Variants in DMD observed in about 807,000 individuals in gnomAD.
DMD encodes the protein mutant dystrophin.
DMD carries 63 observed loss-of-function variants against 330.1 expected under a neutral mutation model. That is an observed-to-expected ratio of 0.19 (90% CI 0.16 to 0.24). The LOEUF (loss-of-function observed/expected upper bound fraction) is 0.24, where lower values mean the gene tolerates loss of function less well. Ranked by LOEUF, DMD falls within the 10% of genes least tolerant of loss-of-function variation. The pLI is 1.00. For synonymous variants in DMD, 1,223 were observed against 959.8 expected (o/e 1.27, Z -5.07); for missense variants, 3,344 against 2,684.1 (o/e 1.25, Z -5.43).
Position 32,667,978 on chromosome X carries a change from T to A in DMD, c.961-22826A>T, listed in dbSNP as rs747332582. 1.5e-4 allele frequency among the ~76,000 whole-genome samples: 15 copies of A among 101,509 alleles called. No individual in the cohort carries two copies. In the East Asian group the frequency reaches 3.6e-3, roughly 24 times the overall value. The allele number at this position is 101,509 out of a possible 115,157, so 88.1% of individuals were successfully genotyped here. On this transcript the variant is annotated intron_variant, in intron 9 of 78. Coordinates refer to ENST00000357033, the MANE Select transcript of DMD (RefSeq NM_004006.3). ...AACATAGCAAAACCTTGTCACTATT[T>A]AAAAAAAAAAAAATACAAAAATTAG...
intron 4 of DMD, among the ~76,000 whole-genome samples, chrX:32,835,412 G>T (rs990819266): frequency 6.2e-5 from 7 of 112,706 alleles, no homozygotes; most frequent in Non-Finnish European, 1.1e-4. Context: ...TCAGGATTTT[G>T]TATTTTGTTC....
intron 33 of DMD, among the ~76,000 whole-genome samples, chrX:32,385,638 T>A (rs1162340781): frequency 3.4e-5 from 1 of 29,676 alleles, no homozygotes; most frequent in Non-Finnish European, 5.7e-5. Context: ...ACAGAATATT[T>A]GAGTTGAGCG....
intron 60 of DMD, among the ~76,000 whole-genome samples, chrX:31,433,022 C>G (rs371458923): frequency 9.4e-4 from 105 of 111,569 alleles, no homozygotes; most frequent in Admixed American, 2.7e-3. Flanking sequence ...GTATAGTACT[C>G]GATAGGTAGT....
At chrX:32,359,854 A>G (rs181448675) in intron 37 of DMD, among the ~76,000 whole-genome samples, 1 of 110,856 alleles carries the variant, frequency 9.0e-6, no homozygotes, top group East Asian at 2.8e-4. Context: ...CAATTTATTA[A>G]TTTAATTTTA....
chrX:31,631,685 C>T (rs912297664), intron 54 of DMD, among the ~76,000 whole-genome samples: 2 of 111,763 alleles, frequency 1.8e-5, no homozygotes, highest in Non-Finnish European at 3.8e-5. Context: ...TTCCTTCATG[C>T]TAATCACTTT....
At chrX:31,441,605 CTTTA>C (rs899469923) in intron 60 of DMD, among the ~76,000 whole-genome samples, 2 of 101,382 alleles carry the variant, frequency 2.0e-5, no homozygotes, top group African/African-American at 8.3e-5. Flanking sequence ...TGACTAAATT[CTTTA>C]TTTTCATAGA....
At chrX:33,250,492 A>G (rs1569559179) in intron 1 of DMD, among the ~76,000 whole-genome samples, 1 of 110,755 alleles carries the variant, frequency 9.0e-6, no homozygotes, top group East Asian at 2.8e-4. Flanking sequence ...ACAGACCAGT[A>G]CCGGTCCTTG....
intron 2 of DMD, among the ~76,000 whole-genome samples, chrX:32,906,114 T>C (rs1056503634): frequency 8.9e-6 from 1 of 112,171 alleles, no homozygotes; most frequent in Non-Finnish European, 1.9e-5. Flanking sequence ...TGAATTGTAA[T>C]CCCTAATGTT....
intron 47 of DMD, among the ~76,000 whole-genome samples, chrX:31,902,563 G>A (rs2094435882): frequency 9.0e-6 from 1 of 111,592 alleles, no homozygotes. Context: ...CGTAGGCAAA[G>A]CGATATAAGA....
intron 16 of DMD, among the ~76,000 whole-genome samples, chrX:32,553,395 A>T (rs918161431): frequency 2.7e-5 from 3 of 110,671 alleles, no homozygotes; most frequent in Non-Finnish European, 5.7e-5. Flanking sequence ...GACAACAGAC[A>T]CGGTGGTCTA....
intron 63 of DMD, among the ~76,000 whole-genome samples, chrX:31,234,262 G>A (rs2047500530): frequency 8.9e-6 from 1 of 112,466 alleles, no homozygotes; most frequent in Admixed American, 9.4e-5. Flanking sequence ...TCCCTGTCAA[G>A]GCTCTGACTG....
chrX:31,308,072 C>A (rs7884197), intron 62 of DMD, among the ~76,000 whole-genome samples: 3,074 of 111,442 alleles, frequency 0.028, 112 homozygotes, highest in African/African-American at 0.095. Flanking sequence ...AATCTAATGC[C>A]ACGACTGATC....
chrX:32,409,002 C>A (rs1293926633), intron 30 of DMD, among the ~76,000 whole-genome samples: 1 of 110,247 alleles, frequency 9.1e-6, no homozygotes, highest in Non-Finnish European at 1.9e-5. Context: ...GATCCTTCAT[C>A]TTACACACTG....
intron 1 of DMD, among the ~76,000 whole-genome samples, chrX:33,130,195 A>G (rs1204515962): frequency 8.9e-6 from 1 of 111,977 alleles, no homozygotes; most frequent in Non-Finnish European, 1.9e-5. Flanking sequence ...GAAATAAATA[A>G]CAAATTAAGA....
At chrX:31,257,474 G>A (rs1296464661) in intron 63 of DMD, among the ~76,000 whole-genome samples, 1 of 111,073 alleles carries the variant, frequency 9.0e-6, no homozygotes, top group Non-Finnish European at 1.9e-5. Flanking sequence ...AGCTCAAAGA[G>A]CAATTTGGAC....
At chrX:31,934,820 C>T (rs1335897673) in intron 45 of DMD, among the ~76,000 whole-genome samples, 1 of 112,035 alleles carries the variant, frequency 8.9e-6, no homozygotes, top group Non-Finnish European at 1.9e-5. Flanking sequence ...AGAGAAAACA[C>T]GGTAAACTAA....
rs1464862170 is a variant in DMD, at chrX:32,489,552, C to G, written c.2622+1725G>C. On this transcript the variant is annotated intron_variant, in intron 20 of 78. Transcript: ENST00000357033. ...AAGATGAAGCTGAACCCTACCAAAC[C>G]TTGATCCTGGACTTTCTCTCACTTC... 2.7e-5 allele frequency among the ~76,000 whole-genome samples: 3 copies of G among 111,387 alleles called. No individual in the cohort carries two copies. In the East Asian group the frequency reaches 8.5e-4, roughly 31 times the overall value.
chrX:31,252,254 G>C (rs1197878080), intron 63 of DMD, among the ~76,000 whole-genome samples: 2 of 112,112 alleles, frequency 1.8e-5, no homozygotes, highest in Non-Finnish European at 3.8e-5. Flanking sequence ...TAACAAATTT[G>C]AGTAAATCTC....
At chrX:31,526,582 A>C (rs1436995991) in intron 55 of DMD, among the ~76,000 whole-genome samples, 1 of 111,976 alleles carries the variant, frequency 8.9e-6, no homozygotes, top group Non-Finnish European at 1.9e-5. Context: ...TTGGGATATG[A>C]AAGATTCAAG....
Sources: allele counts gnomAD v4.1 joint callset (sites outside exome capture counted in the v4.1 genomes callset), GRCh38; gene constraint gnomAD v4.1.1; transcripts MANE v1.5; gene names NCBI Gene and HGNC (gene_info 2026-07-23, HGNC 2026-07-21).